SDK1: variants seen among roughly 807,000 people sequenced by gnomAD.
SDK1 encodes protein sidekick-1.
A neutral mutation model predicts 245.5 loss-of-function variants in SDK1; 157 were observed. That is an observed-to-expected ratio of 0.64 (90% confidence interval 0.56 to 0.73). SDK1 has a LOEUF of 0.73. SDK1 is among the 30% of genes least tolerant of loss of function. The pLI is 0.00. For missense variants in SDK1, 3,583 were observed against 3,002.3 expected (o/e 1.19, Z -4.52); for synonymous variants, 1,647 against 1,278.5 (o/e 1.29, Z -6.15).
intron 4 of SDK1, among the ~76,000 whole-genome samples, chr7:3,774,625 C>A (rs148759645): frequency 1.3e-5 from 2 of 152,200 alleles, no homozygotes; most frequent in South Asian, 4.1e-4. Context: ...TGGACAGATT[C>A]TGCCAGTGCA....
chr7:4,115,931 G>C (rs917155957), intron 25 of SDK1, among the ~76,000 whole-genome samples: 3 of 152,204 alleles, frequency 2.0e-5, no homozygotes, highest in African/African-American at 4.8e-5. Flanking sequence ...TGCGTGACGG[G>C]TATCAGAGAA....
chr7:3,339,812 A>T (rs1780298634), intron 1 of SDK1, among the ~76,000 whole-genome samples: 1 of 152,130 alleles, frequency 6.6e-6, no homozygotes, highest in African/African-American at 2.4e-5. Context: ...CTCCTACCTC[A>T]AGAAACTAGA....
At chr7:3,595,698 C>G (rs1055417561) in intron 1 of SDK1, among the ~76,000 whole-genome samples, 1 of 151,648 alleles carries the variant, frequency 6.6e-6, no homozygotes, top group African/African-American at 2.4e-5. Flanking sequence ...GTCAAAGTTA[C>G]CAGTTCAAAG....
At chr7:3,763,527 C>T (rs1039184174) in intron 4 of SDK1, among the ~76,000 whole-genome samples, 2 of 152,182 alleles carry the variant, frequency 1.3e-5, no homozygotes, top group Non-Finnish European at 2.9e-5. Context: ...CTGCAGGCAT[C>T]AGTACACGTT....
intron 35 of SDK1, among the ~76,000 whole-genome samples, chr7:4,195,006 C>T (rs1783496641): frequency 6.6e-6 from 1 of 152,170 alleles, no homozygotes; most frequent in South Asian, 2.1e-4. Flanking sequence ...TTCTATCCTT[C>T]TAGACTTGTC....
chr7:3,826,414 T>G (rs767061926), intron 5 of SDK1, among the ~76,000 whole-genome samples: 1 of 152,226 alleles, frequency 6.6e-6, no homozygotes, highest in Non-Finnish European at 1.5e-5. Flanking sequence ...AAAATTCTTA[T>G]GACATCTGGT....
intron 1 of SDK1, among the ~76,000 whole-genome samples, chr7:3,371,734 A>G (rs2128563545): frequency 6.6e-6 from 1 of 152,316 alleles, no homozygotes; most frequent in East Asian, 1.9e-4. Context: ...CGTGGAGGAC[A>G]GATAATGGAT....
chr7:3,679,362 C>G (rs532341679), intron 4 of SDK1, among the ~76,000 whole-genome samples: 1 of 151,944 alleles, frequency 6.6e-6, no homozygotes, highest in Non-Finnish European at 1.5e-5. Context: ...GTCGGGAGAT[C>G]GAGACCATCC....
chr7:3,572,440 C>T lies in SDK1; in HGVS notation c.299-46640C>T, dbSNP rs187058966. Among the ~76,000 whole-genome samples, 406 of 152,018 alleles carry T rather than the reference C, an allele frequency of 2.7e-3. 11 individuals are homozygous for T. The highest frequency in any genetic ancestry group is 5.6e-3 in the Admixed American group (86 of 15,264). On this transcript the variant is annotated intron_variant, in intron 1 of 44. Coordinates refer to ENST00000404826, the MANE Select transcript of SDK1 (RefSeq NM_152744.4). ...TACCAAGACCTAGGCTTGGCGTAGGCATCACTTCTGACTGGGGAATTTCCT... is the reference window on the plus strand; with the variant it reads ...TACCAAGACCTAGGCTTGGCGTAGGTATCACTTCTGACTGGGGAATTTCCT...
In SDK1 at chr7:3,799,082, A is replaced by C. The variant is rs534684555; in HGVS notation, c.714-22368A>C. Reference sequence around the variant, plus strand: ...TCAATCATTATTTGTAATTGTATGGATTTAATGTCATTGGATAACCAGTAG... The same window carrying C: ...TCAATCATTATTTGTAATTGTATGGCTTTAATGTCATTGGATAACCAGTAG... On this transcript the variant is annotated intron_variant, in intron 4 of 44. Coordinates refer to ENST00000404826, the MANE Select transcript of SDK1 (RefSeq NM_152744.4). 2.6e-5 allele frequency among the ~76,000 whole-genome samples: 4 copies of C among 152,274 alleles called. No individual in the cohort carries two copies. In the South Asian group the frequency reaches 8.3e-4, roughly 32 times the overall value.
intron 4 of SDK1, among the ~76,000 whole-genome samples, chr7:3,692,980 T>G (rs1419027753): frequency 6.6e-6 from 1 of 152,038 alleles, no homozygotes; most frequent in Non-Finnish European, 1.5e-5. Context: ...CGTGTGTACC[T>G]GTAATATTTG....
intron 1 of SDK1, among the ~76,000 whole-genome samples, chr7:3,503,601 C>T (rs964990536): frequency 1.3e-5 from 2 of 152,000 alleles, no homozygotes; most frequent in African/African-American, 4.8e-5. Flanking sequence ...CACTAGAGAC[C>T]AGGGGTTTGA....
intron 1 of SDK1, among the ~76,000 whole-genome samples, chr7:3,614,649 C>G (rs1781711879): frequency 6.6e-6 from 1 of 152,202 alleles, no homozygotes; most frequent in African/African-American, 2.4e-5. Flanking sequence ...TTAATGCCCT[C>G]TTTTAACTTG....
intron 1 of SDK1, among the ~76,000 whole-genome samples, chr7:3,506,893 C>T (rs530658563): frequency 1.1e-4 from 16 of 151,920 alleles, no homozygotes; most frequent in African/African-American, 3.9e-4. Flanking sequence ...TTATTAATTC[C>T]ATCATCTCTA....
intron 1 of SDK1, among the ~76,000 whole-genome samples, chr7:3,441,680 A>G (rs1035348070): frequency 1.3e-5 from 2 of 152,194 alleles, no homozygotes; most frequent in Non-Finnish European, 2.9e-5. Flanking sequence ...ACAGCTTGTT[A>G]GTTTCTACCA....
intron 44 of SDK1, among the ~76,000 whole-genome samples, chr7:4,262,148 C>T (rs1431729019): frequency 1.4e-5 from 2 of 146,404 alleles, no homozygotes; most frequent in Non-Finnish European, 3.0e-5. Flanking sequence ...AAGGGATTCT[C>T]CTGCCTCAGC....
Position 4,065,718 on chromosome 7 carries a change from T to G in SDK1, c.2912-2120T>G, listed in dbSNP as rs1459263988. On this transcript the variant is annotated intron_variant, in intron 19 of 44. Transcript: ENST00000404826. ...TGTTTTTTTTTTTTTTTTTTTTTTT[T>G]TTTTTTTTTTTGAGGCTGTTACCAT... Among the ~76,000 whole-genome samples the G allele has an allele frequency of 2.3e-3, 247 of 108,036 alleles. 4 individuals carry two copies. Among genetic ancestry groups the G allele is most frequent in the African/African-American group, 0.011 (207 of 18,258 alleles). The allele number at this position is 108,036 out of a possible 152,430, so 70.9% of individuals were successfully genotyped here. A position where few individuals can be genotyped will look rare whatever the true frequency, so the allele number is the denominator to read the frequency against.
At chr7:3,589,694 A>C (rs189576545) in intron 1 of SDK1, among the ~76,000 whole-genome samples, 1 of 152,154 alleles carries the variant, frequency 6.6e-6, no homozygotes, top group Non-Finnish European at 1.5e-5. Flanking sequence ...AAACCATCAG[A>C]TCTTTGAGGA....
intron 8 of SDK1, 139 bp from the exon 9 acceptor site, chr7:3,962,518 C>G: frequency 5.6e-6 from 4 of 719,482 alleles, no homozygotes; most frequent in Admixed American, 3.0e-5. Context: ...AAAATAGCTC[C>G]TTATAGGGTG....
Sources: gnomAD v4.1 joint callset for allele counts (sites outside exome capture counted in the v4.1 genomes callset) on GRCh38, gnomAD v4.1.1 for gene constraint, MANE v1.5 for transcripts, NCBI Gene and HGNC (gene_info 2026-07-23, HGNC 2026-07-21) for gene names.